Variants in SPICE1 observed in about 807,000 individuals in gnomAD.
SPICE1 encodes the protein spindle and centriole-associated protein 1.
A neutral mutation model predicts 102.7 loss-of-function variants in SPICE1; 75 were observed. That is an observed-to-expected ratio of 0.73 (90% confidence interval 0.61 to 0.88). SPICE1 has a LOEUF of 0.88. Ranked by LOEUF, SPICE1 falls within the 40% of genes least tolerant of loss-of-function variation. SPICE1 has a pLI of 0.00. For missense variants in SPICE1, 979 were observed against 1,020.1 expected (o/e 0.96, Z 0.55); for synonymous variants, 308 against 350.3 (o/e 0.88, Z 1.35).
At chr3:113,457,977 G>A (rs1199833308) in intron 12 of SPICE1, among the ~76,000 whole-genome samples, 1 of 151,966 alleles carries the variant, frequency 6.6e-6, no homozygotes, top group Non-Finnish European at 1.5e-5. Context: ...CATATATAAG[G>A]CTCATTACAA....
At chr3:113,471,618 A>G (rs1270082660) in intron 7 of SPICE1, among the ~76,000 whole-genome samples, 3 of 152,234 alleles carry the variant, frequency 2.0e-5, no homozygotes, top group Non-Finnish European at 4.4e-5. Context: ...AATATACTTA[A>G]TTGTAGCTAT....
chr3:113,494,023 G>A (rs7627224), intron 5 of SPICE1, 26 bp downstream of exon 5: 1 of 1,504,518 alleles, frequency 6.6e-7, no homozygotes, highest in South Asian at 1.2e-5. Context: ...TAATAAAATA[G>A]AGAAGCTTTT....
chr3:113,512,870 C>A (rs1362828832), intron 1 of SPICE1, among the ~76,000 whole-genome samples: 1 of 152,172 alleles, frequency 6.6e-6, no homozygotes, highest in Non-Finnish European at 1.5e-5. Context: ...GAGTGCAGCA[C>A]ACACCAGGCA....
chr3:113,512,608 C>A (rs1937243952), intron 1 of SPICE1, among the ~76,000 whole-genome samples: 1 of 152,002 alleles, frequency 6.6e-6, no homozygotes. Context: ...GGGGTTTCAC[C>A]ATGTTGGTCA....
intron 7 of SPICE1, among the ~76,000 whole-genome samples, chr3:113,470,950 T>C (rs942721469): frequency 2.0e-5 from 3 of 152,252 alleles, no homozygotes; most frequent in Non-Finnish European, 2.9e-5. Context: ...TCTAGTTTCA[T>C]AGGACCACAA....
At chr3:113,454,105 C>T (rs1221261044) in intron 13 of SPICE1, among the ~76,000 whole-genome samples, 155 bp from the exon 14 acceptor site, 1 of 152,170 alleles carries the variant, frequency 6.6e-6, no homozygotes, top group East Asian at 1.9e-4. Context: ...GAGAACACAC[C>T]AGCAATGCCG....
intron 1 of SPICE1, 56 bp from the exon 2 acceptor site, chr3:113,506,661 A>C: frequency 2.9e-6 from 4 of 1,375,516 alleles, no homozygotes; most frequent in Non-Finnish European, 4.1e-6. Context: ...AATAAGCATC[A>C]CCAGAGTGGG....
At chr3:113,505,164 G>A (rs7645188) in intron 2 of SPICE1, among the ~76,000 whole-genome samples, 5,580 of 151,992 alleles carry the variant, frequency 0.037, 156 homozygotes, top group African/African-American at 0.07. Context: ...TCGTTGTAGA[G>A]GTGGAACCCC....
rs113010274 is a variant in SPICE1 at position 113,446,583 on chromosome 3, G to A, written c.2514+6C>T. On this transcript the variant is annotated splice_donor_region_variant and intron_variant, in intron 17 of 17. Transcript: ENST00000295872. Reference sequence around the variant, plus strand: ...ATGCATTTCACAATTACATTTTAACGTGTACCTTTGCTCTTGGATTAAGAG... The same window carrying A: ...ATGCATTTCACAATTACATTTTAACATGTACCTTTGCTCTTGGATTAAGAG... 2,600 of 1,609,430 alleles carry A rather than the reference G, an allele frequency of 1.6e-3. 38 individuals carry two copies. In the African/African-American group the frequency reaches 0.029, roughly 18 times the overall value.
intron 4 of SPICE1, among the ~76,000 whole-genome samples, chr3:113,494,727 TAA>T (rs754831030): frequency 6.6e-6 from 1 of 152,036 alleles, no homozygotes; most frequent in African/African-American, 2.4e-5. Context: ...TTTAATTAAA[TAA>T]AAAGTTAATT....
chr3:113,454,277 C>T (rs1478311395), intron 13 of SPICE1, among the ~76,000 whole-genome samples: 1 of 152,114 alleles, frequency 6.6e-6, no homozygotes, highest in East Asian at 1.9e-4. Context: ...ATTTAAACAG[C>T]AGATAACCAG....
chr3:113,491,888 A>C (rs1559972420), intron 6 of SPICE1, among the ~76,000 whole-genome samples: 3 of 152,296 alleles, frequency 2.0e-5, no homozygotes, highest in African/African-American at 7.2e-5. Flanking sequence ...ATTAATGGTA[A>C]TAAGCTCAAG....
chr3:113,478,539 C>G (rs1053721245), intron 7 of SPICE1, among the ~76,000 whole-genome samples: 1 of 151,906 alleles, frequency 6.6e-6, no homozygotes, highest in Admixed American at 6.6e-5. Context: ...CACTTATGTT[C>G]CAAAAAACAT....
intron 6 of SPICE1, among the ~76,000 whole-genome samples, chr3:113,491,353 G>A (rs932568728): frequency 5.3e-5 from 8 of 152,188 alleles, no homozygotes; most frequent in African/African-American, 1.9e-4. Flanking sequence ...GGGCGTGGTG[G>A]CTCACGCCTG....
At chr3:113,448,178 C>T (rs1490966352) in intron 15 of SPICE1, 38 bp from the exon 16 acceptor site, 2 of 1,504,358 alleles carry the variant, frequency 1.3e-6, no homozygotes, top group Admixed American at 4.1e-5. Flanking sequence ...CATTACCTTT[C>T]AATGAAATAA....
At chr3:113,482,740 C>A (rs528669314) in intron 7 of SPICE1, among the ~76,000 whole-genome samples, 73 of 152,254 alleles carry the variant, frequency 4.8e-4, no homozygotes, top group African/African-American at 1.7e-3. Context: ...TTTCTGAGGG[C>A]TCTGTTCTGT....
At chr3:113,472,314 A>G (rs1377784684) in intron 7 of SPICE1, among the ~76,000 whole-genome samples, 1 of 152,252 alleles carries the variant, frequency 6.6e-6, no homozygotes, top group East Asian at 1.9e-4. Context: ...CCACAGCTCA[A>G]GGAGGCCTGC....
At chr3:113,469,429 A>G (rs541821946) in intron 7 of SPICE1, among the ~76,000 whole-genome samples, 191 bp from the exon 8 acceptor site, 1 of 146,506 alleles carries the variant, frequency 6.8e-6, no homozygotes, top group East Asian at 2.0e-4. Flanking sequence ...ATTTATAATT[A>G]AATTATATAA....
At chr3:113,447,387 G>A (rs1176577062) in intron 16 of SPICE1, among the ~76,000 whole-genome samples, 1 of 152,066 alleles carries the variant, frequency 6.6e-6, no homozygotes, top group Non-Finnish European at 1.5e-5. Flanking sequence ...ATCTAATGTT[G>A]ATATAATTGA....
Sources: allele counts gnomAD v4.1 joint callset (sites outside exome capture counted in the v4.1 genomes callset), GRCh38; gene constraint gnomAD v4.1.1; transcripts MANE v1.5; gene names NCBI Gene and HGNC (gene_info 2026-07-23, HGNC 2026-07-21).